The following DISC1 variants were observed in gnomAD, a reference collection of about 807,000 sequenced individuals.
DISC1 encodes DISC1 scaffold protein, also known as disrupted in schizophrenia 1 protein.
A neutral mutation model predicts 84.5 loss-of-function variants in DISC1; 57 were observed. The ratio of observed to expected loss-of-function variants is 0.67; its 90% confidence interval spans 0.55 to 0.84. The LOEUF (loss-of-function observed/expected upper bound fraction) is 0.84. Ranked by LOEUF, DISC1 falls within the 40% of genes least tolerant of loss-of-function variation. DISC1 has a pLI of 0.00. For missense variants in DISC1, 1,000 were observed against 1,057.8 expected (o/e 0.95, Z 0.76); for synonymous variants, 411 against 415.2 (o/e 0.99, Z 0.12).
At chr1:231,744,977 A>T (rs2073802087) in intron 3 of DISC1, among the ~76,000 whole-genome samples, 1 of 152,134 alleles carries the variant, frequency 6.6e-6, no homozygotes, top group South Asian at 2.1e-4. Context: ...GATAAACACA[A>T]CATATTTATA....
intron 10 of DISC1, among the ~76,000 whole-genome samples, chr1:231,969,198 T>TTG (rs1461252638): frequency 4.0e-5 from 6 of 148,330 alleles, no homozygotes; most frequent in African/African-American, 1.5e-4. Context: ...TTTTTTTTTT[T>TTG]TTTTTTTTTT....
intron 1 of DISC1, among the ~76,000 whole-genome samples, chr1:231,652,720 C>G (rs2125300316): frequency 6.6e-6 from 1 of 152,280 alleles, no homozygotes; most frequent in South Asian, 2.1e-4. Flanking sequence ...TTTTTTCCCA[C>G]TTAGTAGTAT....
chr1:231,758,888 T>C (rs1359213666), intron 4 of DISC1, among the ~76,000 whole-genome samples: 2 of 152,240 alleles, frequency 1.3e-5, no homozygotes, highest in Non-Finnish European at 2.9e-5. Context: ...TGGTCCTATT[T>C]GTAACCGAAA....
In DISC1 at chr1:231,825,391, G is replaced by T. The variant is rs183097848; in HGVS notation, c.1981+6874G>T. Among the ~76,000 whole-genome samples, 27 of 152,184 alleles carry T rather than the reference G, an allele frequency of 1.8e-4. No homozygotes were observed. The East Asian group carries it at 2.9e-3, about 16-fold the overall frequency. On this transcript the variant is annotated intron_variant, in intron 9 of 12. Coordinates refer to ENST00000439617, the MANE Select transcript of DISC1 (RefSeq NM_018662.3). ...AAATATCTGCCAGATTTTCTGCTTT[G>T]TAGATTATTCTTACTAATCAGTGCG...
intron 10 of DISC1, among the ~76,000 whole-genome samples, chr1:231,963,950 A>G (rs1044590695): frequency 2.0e-5 from 3 of 152,178 alleles, no homozygotes; most frequent in East Asian, 1.9e-4. Context: ...GCTTTTCTAT[A>G]CAATGTCTGA....
chr1:231,739,535 G>T (rs536201443), intron 3 of DISC1, among the ~76,000 whole-genome samples: 2 of 152,280 alleles, frequency 1.3e-5, no homozygotes, highest in African/African-American at 4.8e-5. Context: ...TCCTGTACAG[G>T]CTCCCAACTT....
At chr1:231,938,901 G>A (rs2091138147) in intron 9 of DISC1, among the ~76,000 whole-genome samples, 2 of 152,136 alleles carry the variant, frequency 1.3e-5, no homozygotes, top group Admixed American at 1.3e-4. Flanking sequence ...TCTGCCAGCT[G>A]ACAAAACCAG....
intron 3 of DISC1, among the ~76,000 whole-genome samples, chr1:231,709,620 C>CT (rs1400399662): frequency 6.6e-6 from 1 of 152,128 alleles, no homozygotes; most frequent in Non-Finnish European, 1.5e-5. Context: ...ATGATAAACT[C>CT]TGACAGCTTC....
At chr1:231,969,604 T>C (rs1315386725) in intron 10 of DISC1, among the ~76,000 whole-genome samples, 2 of 151,692 alleles carry the variant, frequency 1.3e-5, no homozygotes, top group Admixed American at 6.6e-5. Flanking sequence ...CTTTCTTTTT[T>C]TTTTTTTTAT....
rs1476384887 is a variant in DISC1 at position 231,694,749 on chromosome 1, A to G, written c.991A>G (p.Arg331Gly). ...GDAHSWDTLL[R>G]KWEPVLRDCL... ...TGCCCACTCTTGGGACACCCTGCTCAGGAAATGGGAGCCAGTGCTGCGGGA... is the reference window on the plus strand; with the variant it reads ...TGCCCACTCTTGGGACACCCTGCTCGGGAAATGGGAGCCAGTGCTGCGGGA... The change falls in exon 2 of 13, where the codon AGG (arginine) becomes GGG (glycine). Residue 331 changes from arginine to glycine, a missense_variant. Transcript: ENST00000439617. 3.7e-6 allele frequency: 6 copies of G among 1,613,962 alleles called. No homozygotes were observed. The African/African-American group carries it at 4.0e-5, about 11-fold the overall frequency.
chr1:231,792,775 C>G (rs1234268240), intron 6 of DISC1, among the ~76,000 whole-genome samples: 2 of 152,214 alleles, frequency 1.3e-5, no homozygotes, highest in Non-Finnish European at 2.9e-5. Context: ...CTGTGTGACA[C>G]TCTGACTTAT....
At chr1:231,640,838 T>G (rs2059584230) in intron 1 of DISC1, among the ~76,000 whole-genome samples, 1 of 152,138 alleles carries the variant, frequency 6.6e-6, no homozygotes, top group Non-Finnish European at 1.5e-5. Context: ...GCTGTGCCCC[T>G]CCCTGGTTTT....
At chr1:231,902,583 A>G (rs1352775326) in intron 9 of DISC1, among the ~76,000 whole-genome samples, 3 of 151,916 alleles carry the variant, frequency 2.0e-5, no homozygotes, top group Non-Finnish European at 4.4e-5. Context: ...CTTGGGTGAC[A>G]GAGTGAGATT....
intron 12 of DISC1, among the ~76,000 whole-genome samples, chr1:232,033,313 C>G (rs895629894): frequency 2.0e-5 from 3 of 152,200 alleles, no homozygotes; most frequent in African/African-American, 7.2e-5. Context: ...CAAAACACAT[C>G]CAGAATCTAG....
intron 9 of DISC1, among the ~76,000 whole-genome samples, chr1:231,879,383 A>G (rs2086127720): frequency 6.6e-6 from 1 of 151,998 alleles, no homozygotes; most frequent in African/African-American, 2.4e-5. Flanking sequence ...CCTGCCAAGC[A>G]GTTTTACAAA....
At chr1:231,880,612 T>G (rs1280941536) in intron 9 of DISC1, among the ~76,000 whole-genome samples, 1 of 152,164 alleles carries the variant, frequency 6.6e-6, no homozygotes. Context: ...ATAGACCCAT[T>G]ACATGGAGAC....
Position 232,040,359 on chromosome 1 carries a change from T to C in DISC1, c.*3528T>C, listed in dbSNP as rs1670734222. ...ATTAGTATATACTATTGGAAACTTG[T>C]CTTTCCCTGCAGTAAGGCTGGTTTC... On this transcript the variant is annotated 3_prime_UTR_variant, in exon 13 of 13. Coordinates refer to ENST00000439617, the MANE Select transcript of DISC1 (RefSeq NM_018662.3). 1 of 152,226 alleles carries C rather than the reference T, an allele frequency of 6.6e-6. No individual in the cohort carries two copies. The highest frequency in any genetic ancestry group is 1.5e-5 in the Non-Finnish European group (1 of 68,064). 9.4% of individuals were successfully genotyped at this position (152,226 alleles called of 1,614,324 possible).
At chr1:231,703,583 C>A (rs2066672655) in intron 3 of DISC1, among the ~76,000 whole-genome samples, 1 of 152,172 alleles carries the variant, frequency 6.6e-6, no homozygotes, top group Admixed American at 6.5e-5. Flanking sequence ...CAATCAGGCC[C>A]TAGTTTGTCC....
At chr1:231,669,734 C>T (rs772873706) in intron 1 of DISC1, among the ~76,000 whole-genome samples, 9 of 150,968 alleles carry the variant, frequency 6.0e-5, no homozygotes, top group Non-Finnish European at 8.9e-5. Context: ...CAGATACTGG[C>T]GAGGTTGTGG....
Sources: gnomAD v4.1 joint callset for allele counts (sites outside exome capture counted in the v4.1 genomes callset) on GRCh38, gnomAD v4.1.1 for gene constraint, MANE v1.5 for transcripts, NCBI Gene and HGNC (gene_info 2026-07-23, HGNC 2026-07-21) for gene names.